The following KIAA0825 variants were observed in gnomAD, a reference collection of about 807,000 sequenced individuals.
The protein encoded by KIAA0825 is uncharacterized protein KIAA0825.
KIAA0825 carries 119 observed loss-of-function variants against 147.6 expected under a neutral mutation model. The ratio of observed to expected loss-of-function variants is 0.81; its 90% confidence interval spans 0.69 to 0.94. The LOEUF is 0.94. Among genes scored for constraint, KIAA0825 ranks in the 40% least tolerant of loss-of-function variants. The probability of loss-of-function intolerance (pLI) is 0.00; values close to 1 mark genes in which losing one functional copy is unlikely to be tolerated. For missense variants in KIAA0825, 1,381 were observed against 1,472.7 expected (o/e 0.94, Z 1.02); for synonymous variants, 470 against 518.1 (o/e 0.91, Z 1.26).
intron 5 of KIAA0825, among the ~76,000 whole-genome samples, chr5:94,488,323 C>A (rs1050681123): frequency 6.6e-6 from 1 of 152,148 alleles, no homozygotes; most frequent in Non-Finnish European, 1.5e-5. Context: ...CATGTTTACA[C>A]ACAGGCAACT....
At chr5:94,222,006 C>T (rs1246827196) in intron 20 of KIAA0825, among the ~76,000 whole-genome samples, 1 of 152,130 alleles carries the variant, frequency 6.6e-6, no homozygotes, top group Non-Finnish European at 1.5e-5. Flanking sequence ...TATGATCTTA[C>T]TTCTTCACTG....
intron 20 of KIAA0825, among the ~76,000 whole-genome samples, chr5:94,288,098 G>A (rs1777732835): frequency 6.6e-6 from 1 of 152,138 alleles, no homozygotes; most frequent in African/African-American, 2.4e-5. Context: ...AGGCCCTGAG[G>A]TCAACCCAAT....
intron 20 of KIAA0825, among the ~76,000 whole-genome samples, chr5:94,272,653 C>T (rs991885157): frequency 1.3e-5 from 2 of 152,098 alleles, no homozygotes; most frequent in African/African-American, 4.8e-5. Context: ...ACTCATCTGT[C>T]TTCAATGAGA....
chr5:94,166,112 G>A (rs1768003720), intron 20 of KIAA0825, among the ~76,000 whole-genome samples: 1 of 151,946 alleles, frequency 6.6e-6, no homozygotes, highest in South Asian at 2.1e-4. Flanking sequence ...AACATCTCAT[G>A]TACCCCATAA....
At chr5:94,262,714 G>T (rs1017770508) in intron 20 of KIAA0825, among the ~76,000 whole-genome samples, 1 of 151,952 alleles carries the variant, frequency 6.6e-6, no homozygotes, top group Admixed American at 6.6e-5. Context: ...GTGTAAAAAC[G>T]TATATGTTTG....
At chr5:94,547,839 G>A (rs777673553) in intron 2 of KIAA0825, among the ~76,000 whole-genome samples, 18 of 151,656 alleles carry the variant, frequency 1.2e-4, no homozygotes, top group Admixed American at 3.3e-4. Context: ...TACAAGCCAG[G>A]AGAGAGTGGC....
intron 14 of KIAA0825, among the ~76,000 whole-genome samples, chr5:94,436,195 T>C (rs1562494778): frequency 6.6e-6 from 1 of 152,208 alleles, no homozygotes; most frequent in Non-Finnish European, 1.5e-5. Flanking sequence ...CATGACATCT[T>C]TGCCCATATC....
chr5:94,528,631 C>A (rs1769852086), intron 3 of KIAA0825, among the ~76,000 whole-genome samples: 1 of 152,068 alleles, frequency 6.6e-6, no homozygotes, highest in Non-Finnish European at 1.5e-5. Context: ...AAATCTACAT[C>A]TAATTTGGAT....
chr5:94,604,686 G>A (rs1319984621), intron 1 of KIAA0825, among the ~76,000 whole-genome samples: 4 of 152,154 alleles, frequency 2.6e-5, no homozygotes, highest in Non-Finnish European at 5.9e-5. Flanking sequence ...AAATCAAAAA[G>A]TTTTTTGAAA....
At chr5:94,182,250 CTTTTTTTTTTTT>C (rs771486226) in intron 20 of KIAA0825, among the ~76,000 whole-genome samples, 2 of 38,276 alleles carry the variant, frequency 5.2e-5, no homozygotes, top group African/African-American at 1.1e-4. Context: ...AATGTCCCTT[CTTTTTTTTTTTT>C]TTTTTTTTTT....
intron 4 of KIAA0825, among the ~76,000 whole-genome samples, chr5:94,523,466 C>G (rs17083784): frequency 0.012 from 1,876 of 151,606 alleles, 28 homozygotes; most frequent in African/African-American, 0.042. Context: ...TTGAAAAGAA[C>G]TGGGTTAGAC....
At chr5:94,375,239 G>C (rs1747373022) in intron 20 of KIAA0825, among the ~76,000 whole-genome samples, 1 of 151,856 alleles carries the variant, frequency 6.6e-6, no homozygotes, top group Non-Finnish European at 1.5e-5. Context: ...CACTATGTTA[G>C]CCAGGATGAT....
intron 20 of KIAA0825, among the ~76,000 whole-genome samples, chr5:94,181,182 A>G (rs1037526005): frequency 6.6e-6 from 1 of 152,218 alleles, no homozygotes; most frequent in Non-Finnish European, 1.5e-5. Flanking sequence ...ATGTCTCCCA[A>G]GGTATTTCCA....
At chr5:94,388,113 T>C (rs1409239810) in intron 18 of KIAA0825, among the ~76,000 whole-genome samples, 1 of 152,186 alleles carries the variant, frequency 6.6e-6, no homozygotes, top group East Asian at 1.9e-4. Flanking sequence ...AGGATGAAAC[T>C]GTTCCACCTC....
At chr5:94,217,664 T>C (rs1160867699) in intron 20 of KIAA0825, among the ~76,000 whole-genome samples, 1 of 152,182 alleles carries the variant, frequency 6.6e-6, no homozygotes, top group Non-Finnish European at 1.5e-5. Flanking sequence ...GATAGAAGTA[T>C]AGTCCAGGAA....
intron 20 of KIAA0825, among the ~76,000 whole-genome samples, chr5:94,340,976 A>C (rs1228480325): frequency 6.6e-6 from 1 of 152,200 alleles, no homozygotes; most frequent in Non-Finnish European, 1.5e-5. Flanking sequence ...ATTCTTTCTA[A>C]GCATAAATCC....
chr5:94,281,388 G>C (rs2150154915), intron 20 of KIAA0825, among the ~76,000 whole-genome samples: 1 of 152,118 alleles, frequency 6.6e-6, no homozygotes, highest in Middle Eastern at 3.4e-3. Context: ...TCACAGCAGG[G>C]TTTTCCAAGT....
At chr5:94,586,945 A>C (rs891773495) in intron 1 of KIAA0825, among the ~76,000 whole-genome samples, 1 of 152,194 alleles carries the variant, frequency 6.6e-6, no homozygotes, top group Non-Finnish European at 1.5e-5. Context: ...CAAAAACCAC[A>C]TGATTATCTC....
At position 94,484,779 on chromosome 5, in the gene KIAA0825, C is replaced by A; in HGVS notation, c.1122G>T (p.Arg374Ser). ...DEILLSLKITRDTSGILEKSD... is the reference protein window; with the variant it reads ...DEILLSLKITSDTSGILEKSD... ...AAAAGAGGATATTACCTGAAGTATC[C>A]CTGGTTATCTTGAGTGATAAAAGTA... is the stretch of plus-strand genomic sequence containing the variant. The change falls in exon 6 of 21, where the codon AGG (arginine) becomes AGT (serine). Residue 374 changes from arginine to serine, a missense_variant. Transcript: ENST00000682413. 6.8e-7 allele frequency: 1 copy of A among 1,475,720 alleles called. No individual in the cohort carries two copies. Among genetic ancestry groups the A allele is most frequent in the Admixed American group, 2.1e-5 (1 of 47,324 alleles). The allele number at this position is 1,475,720 out of a possible 1,614,324, so 91.4% of individuals were successfully genotyped here.
Sources: gnomAD v4.1 joint callset for allele counts (sites outside exome capture counted in the v4.1 genomes callset) on GRCh38, gnomAD v4.1.1 for gene constraint, MANE v1.5 for transcripts, NCBI Gene and HGNC (gene_info 2026-07-23, HGNC 2026-07-21) for gene names.